Variants in HDAC8 observed in about 807,000 individuals in gnomAD.
The protein encoded by HDAC8 is histone deacetylase 8.
HDAC8 carries 1 observed loss-of-function variant against 32.2 expected under a neutral mutation model. The ratio of observed to expected loss-of-function variants is 0.03; its 90% CI spans 0.01 to 0.15. HDAC8 has a LOEUF of 0.15. HDAC8 is among the 10% of genes least tolerant of loss of function. The pLI, the probability that HDAC8 is intolerant of heterozygous loss-of-function variation, is 1.00. For missense variants in HDAC8, 117 were observed against 300.0 expected (o/e 0.39, Z 4.51); for synonymous variants, 108 against 113.9 (o/e 0.95, Z 0.33).
chrX:72,520,292 G>C (rs1415819175), intron 4 of HDAC8, among the ~76,000 whole-genome samples: 3 of 111,698 alleles, frequency 2.7e-5, no homozygotes, highest in African/African-American at 9.8e-5. Flanking sequence ...TTGAGGTAAT[G>C]GTCTAATTTC....
At chrX:72,547,745 T>C (rs1267692245) in intron 4 of HDAC8, among the ~76,000 whole-genome samples, 1 of 111,566 alleles carries the variant, frequency 9.0e-6, no homozygotes, top group East Asian at 2.8e-4. Context: ...AAAACAGAGA[T>C]AATAATTTGT....
chrX:72,474,489 G>A (rs1199482299), intron 7 of HDAC8: 13 of 1,061,351 alleles, frequency 1.2e-5, no homozygotes, highest in East Asian at 3.7e-5. Context: ...TTAATTTTTC[G>A]TTTTGTGAAA....
chrX:72,457,666 T>C (rs1195031238), intron 9 of HDAC8, among the ~76,000 whole-genome samples: 1 of 112,011 alleles, frequency 8.9e-6, no homozygotes, highest in African/African-American at 3.2e-5. Context: ...ATGTGTTTAC[T>C]GGAGAGTACA....
intron 7 of HDAC8, among the ~76,000 whole-genome samples, chrX:72,465,688 A>C (rs1240308588): frequency 8.9e-6 from 1 of 111,990 alleles, no homozygotes. Context: ...GAGAAAATCC[A>C]GAGTCAAAAA....
chrX:72,511,535 T>C (rs1820726530), intron 4 of HDAC8, among the ~76,000 whole-genome samples: 1 of 111,782 alleles, frequency 8.9e-6, no homozygotes, highest in Non-Finnish European at 1.9e-5. Context: ...AAAGACTTTA[T>C]GTGCTTGCAT....
chrX:72,485,904 G>A (rs1465308436), intron 7 of HDAC8, among the ~76,000 whole-genome samples: 1 of 110,447 alleles, frequency 9.1e-6, no homozygotes, highest in Non-Finnish European at 1.9e-5. Flanking sequence ...GGTGGATCAC[G>A]AGGTCAGGAG....
At chrX:72,546,684 A>G (rs782043201) in intron 4 of HDAC8, among the ~76,000 whole-genome samples, 1 of 111,224 alleles carries the variant, frequency 9.0e-6, no homozygotes, top group South Asian at 3.9e-4. Context: ...GGCAGAATCA[A>G]AGGATTCAAA....
At chrX:72,527,436 TA>T (rs1343013659) in intron 4 of HDAC8, among the ~76,000 whole-genome samples, 1 of 111,624 alleles carries the variant, frequency 9.0e-6, no homozygotes, top group Non-Finnish European at 1.9e-5. Context: ...AACCATGAAT[TA>T]CATTACGGTA....
At chrX:72,484,675 C>A (rs1413563304) in intron 7 of HDAC8, among the ~76,000 whole-genome samples, 1 of 111,817 alleles carries the variant, frequency 8.9e-6, no homozygotes, top group African/African-American at 3.3e-5. Flanking sequence ...TTCATTCGAA[C>A]TTCACATATG....
At chrX:72,419,637 C>T (rs781822620) in intron 9 of HDAC8, among the ~76,000 whole-genome samples, 20 of 111,631 alleles carry the variant, frequency 1.8e-4, no homozygotes, top group African/African-American at 6.2e-4. Context: ...GATAGACCTT[C>T]CAGTACAACA....
At chrX:72,562,137 C>G in intron 4 of HDAC8, among the ~76,000 whole-genome samples, 1 of 112,080 alleles carries the variant, frequency 8.9e-6, no homozygotes, top group Non-Finnish European at 1.9e-5. Flanking sequence ...CCTTAAAGAA[C>G]TAAAAGTAGA....
At chrX:72,394,002 A>T (rs1247552436) in intron 9 of HDAC8, among the ~76,000 whole-genome samples, 1 of 110,924 alleles carries the variant, frequency 9.0e-6, no homozygotes, top group Non-Finnish European at 1.9e-5. Context: ...TTCCTAGTCC[A>T]GTTACTCTGT....
chrX:72,494,213 C>T (rs782752061), intron 5 of HDAC8, among the ~76,000 whole-genome samples: 2 of 111,309 alleles, frequency 1.8e-5, no homozygotes, highest in Non-Finnish European at 3.8e-5. Flanking sequence ...TTTCTGTCAT[C>T]GTTCCATGGT....
intron 10 of HDAC8, among the ~76,000 whole-genome samples, chrX:72,343,922 G>C (rs1371225278): frequency 8.8e-6 from 1 of 113,051 alleles, no homozygotes; most frequent in Non-Finnish European, 1.9e-5. Context: ...GTCAAAGAAG[G>C]CAGAGTAGAA....
rs782144834 is a variant in HDAC8 at position 72,462,052 on chromosome X, G to A, written c.957C>T (p.Thr319=). ...ANTARCWTYL[T]GVILGKTLSS... ...ATAGTGTTTTCCCTAGGATGACCCC[G>A]GTCAAGTATGTCCAGCATCGAGCCG... The change falls in exon 9 of 11, where the codon ACC becomes ACT. Residue 319 remains threonine, a synonymous_variant. Transcript: ENST00000373573. 4.1e-6 allele frequency: 5 copies of A among 1,209,698 alleles called. No homozygotes were observed. Among genetic ancestry groups the A allele is most frequent in the Non-Finnish European group, 4.5e-6 (4 of 893,912 alleles).
At chrX:72,341,095 C>T (rs1194557931) in intron 10 of HDAC8, among the ~76,000 whole-genome samples, 1 of 111,628 alleles carries the variant, frequency 9.0e-6, no homozygotes, top group East Asian at 2.8e-4. Context: ...GATCATTCAG[C>T]ATGTGAGCCC....
intron 9 of HDAC8, among the ~76,000 whole-genome samples, chrX:72,453,464 T>TAAATAAAGAAAGAAAGAAAGAAAG (rs79152861): frequency 4.5e-5 from 3 of 67,247 alleles, no homozygotes; most frequent in African/African-American, 1.2e-4. Context: ...CTCTTAAAAA[T>TAAATAAAGAAAGAAAGAAAGAAAG]AAAGAAAGAA....
intron 7 of HDAC8, among the ~76,000 whole-genome samples, chrX:72,465,525 C>T (rs2047995742): frequency 9.0e-6 from 1 of 110,621 alleles, no homozygotes; most frequent in South Asian, 3.9e-4. Context: ...TGAACACTGG[C>T]AGTGTCCAGA....
intron 4 of HDAC8, among the ~76,000 whole-genome samples, chrX:72,542,037 A>AT (rs1341014372): frequency 1.8e-5 from 2 of 111,835 alleles, no homozygotes; most frequent in African/African-American, 6.5e-5. Context: ...GAAACTGGGT[A>AT]TTTTTGACAT....
Sources: gnomAD v4.1 joint callset for allele counts (sites outside exome capture counted in the v4.1 genomes callset) on GRCh38, gnomAD v4.1.1 for gene constraint, MANE v1.5 for transcripts, NCBI Gene and HGNC (gene_info 2026-07-23, HGNC 2026-07-21) for gene names.